Variants in TFDP1 observed in about 807,000 individuals in gnomAD.
TFDP1 encodes transcription factor Dp-1.
In TFDP1, 6 loss-of-function variants were observed where a neutral mutation model predicts 48.0. That is an observed-to-expected ratio of 0.13 (90% confidence interval 0.07 to 0.25). The LOEUF (loss-of-function observed/expected upper bound fraction) is 0.25, where lower values mean the gene tolerates loss of function less well. Among genes scored for constraint, TFDP1 ranks in the 10% least tolerant of loss-of-function variants. TFDP1 has a pLI of 1.00. For missense variants in TFDP1, 335 were observed against 543.0 expected, an observed-to-expected ratio of 0.62 and a Z score of 3.81; for synonymous variants, 201 against 211.6, an observed-to-expected ratio of 0.95 and a Z score of 0.44.
At chr13:113,613,787 G>T (rs188703847) in intron 3 of TFDP1, among the ~76,000 whole-genome samples, 2 of 151,622 alleles carry the variant, frequency 1.3e-5, no homozygotes, top group Admixed American at 6.6e-5. Flanking sequence ...GCTTATCAGT[G>T]CATTGTGCGT....
In TFDP1 at chr13:113,602,985, A is replaced by C. The variant is rs74116255; in HGVS notation, c.13-8011A>C. ...ATAGTTGAGCTAAAAAAAAAAAAAAAACGTATAATTTACAAATTTGTGTTG... is the reference window on the plus strand; with the variant it reads ...ATAGTTGAGCTAAAAAAAAAAAAAACACGTATAATTTACAAATTTGTGTTG... On this transcript the variant is annotated intron_variant, in intron 2 of 11. Coordinates refer to ENST00000375370, the MANE Select transcript of TFDP1 (RefSeq NM_007111.5). Among the ~76,000 whole-genome samples the C allele has an allele frequency of 1.2e-4, 18 of 146,952 alleles. 1 individual carries two copies. The highest frequency in any genetic ancestry group is 2.0e-4 in the East Asian group (1 of 5,034).
chr13:113,621,677 T>C (rs1343463611), intron 3 of TFDP1, among the ~76,000 whole-genome samples: 11 of 152,362 alleles, frequency 7.2e-5, no homozygotes, highest in Non-Finnish European at 1.5e-4. Flanking sequence ...AGAGGGCTCC[T>C]TGGTCTAGCG....
At chr13:113,630,245 A>G (rs1278270606) in intron 4 of TFDP1, among the ~76,000 whole-genome samples, 3 of 152,136 alleles carry the variant, frequency 2.0e-5, no homozygotes, top group Non-Finnish European at 4.4e-5. Flanking sequence ...TATCTTTTGT[A>G]TGGCTTCATT....
chr13:113,590,725 G>A (rs557855214), intron 2 of TFDP1, among the ~76,000 whole-genome samples: 1 of 152,110 alleles, frequency 6.6e-6, no homozygotes, highest in Admixed American at 6.5e-5. Context: ...AAAATTATAG[G>A]TTGGGCCGGG....
chr13:113,619,481 C>CA (rs1162300447), intron 3 of TFDP1, among the ~76,000 whole-genome samples: 1,651 of 110,398 alleles, frequency 0.015, 19 homozygotes, highest in East Asian at 0.046. Flanking sequence ...AAAAAAAAAA[C>CA]AAAAAAAAAA....
intron 2 of TFDP1, among the ~76,000 whole-genome samples, chr13:113,586,677 A>G (rs2048012446): frequency 6.6e-6 from 1 of 152,224 alleles, no homozygotes; most frequent in Non-Finnish European, 1.5e-5. Context: ...AAATGCGTCC[A>G]GAGTGTGGAG....
intron 3 of TFDP1, among the ~76,000 whole-genome samples, chr13:113,613,935 CGT>C (rs1040312985): frequency 2.0e-4 from 29 of 145,110 alleles, no homozygotes; most frequent in East Asian, 6.3e-4. Context: ...GAGTTGTGTG[CGT>C]GTGTGTGCAT....
chr13:113,636,445 G>A, intron 9 of TFDP1, 89 bp from the exon 10 acceptor site: 1 of 1,438,562 alleles, frequency 7.0e-7, no homozygotes, highest in South Asian at 1.3e-5. Flanking sequence ...GTGTGTGGCG[G>A]TCAGCGGGTC....
intron 3 of TFDP1, among the ~76,000 whole-genome samples, chr13:113,615,197 G>T (rs2048826626): frequency 6.6e-6 from 1 of 152,200 alleles, no homozygotes; most frequent in Non-Finnish European, 1.5e-5. Context: ...GGTTGCCTCT[G>T]ATTGTTTCCT....
At chr13:113,596,447 G>A (rs75272592) in intron 2 of TFDP1, among the ~76,000 whole-genome samples, 4 of 152,082 alleles carry the variant, frequency 2.6e-5, no homozygotes, top group African/African-American at 4.8e-5. Flanking sequence ...GTGTCATCCC[G>A]GTAGCCCGAG....
intron 2 of TFDP1, among the ~76,000 whole-genome samples, chr13:113,605,726 T>C (rs969595873): frequency 6.6e-6 from 1 of 152,224 alleles, no homozygotes; most frequent in African/African-American, 2.4e-5. Flanking sequence ...GGGAGTGACC[T>C]AGCTTCAGAA....
intron 10 of TFDP1, chr13:113,637,569 G>T: frequency 6.7e-7 from 1 of 1,491,998 alleles, no homozygotes; most frequent in South Asian, 1.2e-5. Flanking sequence ...TGTGCCGTTT[G>T]TAAGTCAGTG....
rs137903328 is a variant in TFDP1, at chr13:113,607,907, A to G, written c.13-3089A>G. On this transcript the variant is annotated intron_variant, in intron 2 of 11. Coordinates refer to ENST00000375370, the MANE Select transcript of TFDP1 (RefSeq NM_007111.5). This position sits in a 1 kb window ranked among gnomAD's most constrained non-coding sequence, Gnocchi z 5.2. ...CCAGGCCACCTGTGCCGCAGCCCCC[A>G]TGGCTGCCGAGGTCTCCCCTGGGCA... Among the ~76,000 whole-genome samples, 270 of 152,272 alleles carry G rather than the reference A, an allele frequency of 1.8e-3. 7 individuals are homozygous for G. The East Asian group carries it at 0.043, about 24-fold the overall frequency.
chr13:113,614,236 GTT>G (rs2048799400), intron 3 of TFDP1, among the ~76,000 whole-genome samples: 1 of 151,800 alleles, frequency 6.6e-6, no homozygotes, highest in Admixed American at 6.6e-5. Flanking sequence ...GCGTGTGTGA[GTT>G]GAGTGTGAGT....
chr13:113,637,314 TCCC>T, intron 10 of TFDP1: 1 of 279,746 alleles, frequency 3.6e-6, no homozygotes, highest in Non-Finnish European at 7.0e-6. Context: ...GTAGATTTAT[TCCC>T]TGAGAGGGTC....
chr13:113,587,240 C>T (rs917087127), intron 2 of TFDP1, among the ~76,000 whole-genome samples: 2 of 152,066 alleles, frequency 1.3e-5, no homozygotes, highest in African/African-American at 4.8e-5. Flanking sequence ...ACCCTGAATG[C>T]TCCATCCAGT....
At chr13:113,635,004 C>A (rs1320481222) in intron 8 of TFDP1, among the ~76,000 whole-genome samples, 1 of 152,222 alleles carries the variant, frequency 6.6e-6, no homozygotes, top group East Asian at 1.9e-4. Flanking sequence ...GGGATGACTT[C>A]ATGCAAAAGC....
intron 3 of TFDP1, among the ~76,000 whole-genome samples, chr13:113,612,506 C>T (rs534055147): frequency 6.6e-6 from 1 of 152,358 alleles, no homozygotes; most frequent in East Asian, 1.9e-4. Flanking sequence ...AGAGAAATAT[C>T]GTTTTAGTGT....
At chr13:113,595,467 A>C (rs1437745708) in intron 2 of TFDP1, among the ~76,000 whole-genome samples, 1 of 152,070 alleles carries the variant, frequency 6.6e-6, no homozygotes, top group African/African-American at 2.4e-5. Context: ...AGACATGTGG[A>C]TCTGTCCGAG....
Sources: gnomAD v4.1 joint callset for allele counts (sites outside exome capture counted in the v4.1 genomes callset) on GRCh38, gnomAD v4.1.1 for gene constraint, Gnocchi (gnomAD v3.1) non-coding constraint, MANE v1.5 for transcripts, NCBI Gene and HGNC (gene_info 2026-07-23, HGNC 2026-07-21) for gene names.